CPED1: variants seen among roughly 807,000 people sequenced by gnomAD.
CPED1 encodes the protein cadherin-like and PC-esterase domain-containing protein 1.
A neutral mutation model predicts 128.2 loss-of-function variants in CPED1; 114 were observed. The ratio of observed to expected loss-of-function variants is 0.89; its 90% confidence interval spans 0.76 to 1.04. CPED1 has a LOEUF of 1.04. Ranked by LOEUF, CPED1 falls within the 50% of genes least tolerant of loss-of-function variation. CPED1 has a pLI of 0.00. For synonymous variants in CPED1, 462 were observed against 426.7 expected (o/e 1.08, Z -1.02); for missense variants, 1,211 against 1,207.1 (o/e 1.00, Z -0.05).
chr7:121,257,639 G>A (rs1039142036), intron 18 of CPED1, among the ~76,000 whole-genome samples: 1 of 151,966 alleles, frequency 6.6e-6, no homozygotes, highest in Non-Finnish European at 1.5e-5. Context: ...CTTATTTTAA[G>A]AAAGCTTCAC....
chr7:121,240,614 C>T (rs565700333), intron 17 of CPED1, among the ~76,000 whole-genome samples: 39 of 151,836 alleles, frequency 2.6e-4, no homozygotes, highest in African/African-American at 7.7e-4. Context: ...TTTCATTTTC[C>T]GCTGATTATT....
intron 22 of CPED1, among the ~76,000 whole-genome samples, chr7:121,287,262 CACAG>C (rs1451238639): frequency 2.0e-5 from 3 of 151,992 alleles, no homozygotes; most frequent in African/African-American, 7.2e-5. Flanking sequence ...CCTCCTGCCA[CACAG>C]ACACAGACAC....
intron 2 of CPED1, among the ~76,000 whole-genome samples, chr7:121,008,798 T>C (rs1409030613): frequency 6.6e-6 from 1 of 152,180 alleles, no homozygotes; most frequent in African/African-American, 2.4e-5. Context: ...CTGGATAGGG[T>C]GCTTCACTGT....
chr7:121,094,167 C>T (rs977814158), intron 5 of CPED1, among the ~76,000 whole-genome samples: 8 of 151,882 alleles, frequency 5.3e-5, no homozygotes, highest in Non-Finnish European at 8.8e-5. Context: ...AAACTAATTG[C>T]GAATTATTAA....
At chr7:121,074,308 T>C (rs1459434136) in intron 5 of CPED1, among the ~76,000 whole-genome samples, 3 of 152,086 alleles carry the variant, frequency 2.0e-5, no homozygotes, top group African/African-American at 4.8e-5. Context: ...AAGGGGCTCT[T>C]GTCCAGGCCT....
intron 5 of CPED1, among the ~76,000 whole-genome samples, chr7:121,079,108 C>T (rs1365878034): frequency 6.6e-6 from 1 of 152,174 alleles, no homozygotes; most frequent in African/African-American, 2.4e-5. Flanking sequence ...TCCTTAAAGG[C>T]CCTATCTTCA....
chr7:121,055,647 GT>G (rs945376122), intron 4 of CPED1, among the ~76,000 whole-genome samples: 21 of 150,944 alleles, frequency 1.4e-4, no homozygotes, highest in Middle Eastern at 7.0e-3. Context: ...ATATAGTTCA[GT>G]TTTTTTCTGT....
chr7:121,180,047 C>T (rs1373190595), intron 16 of CPED1, among the ~76,000 whole-genome samples: 1 of 152,068 alleles, frequency 6.6e-6, no homozygotes, highest in Non-Finnish European at 1.5e-5. Flanking sequence ...ACAAAGTACA[C>T]ATCATTTGAC....
At chr7:121,099,252 T>G (rs931302504) in intron 6 of CPED1, among the ~76,000 whole-genome samples, 3 of 152,154 alleles carry the variant, frequency 2.0e-5, no homozygotes, top group Admixed American at 6.5e-5. Context: ...ATATCACTTT[T>G]GTTGCAATGG....
chr7:121,151,771 G>A (rs564992526), intron 16 of CPED1, among the ~76,000 whole-genome samples: 20 of 152,324 alleles, frequency 1.3e-4, no homozygotes, highest in Non-Finnish European at 2.9e-4. Flanking sequence ...CCATTGGTGT[G>A]CTTTCTTTCA....
intron 10 of CPED1, 111 bp from the exon 11 acceptor site, chr7:121,128,271 A>C: frequency 1.5e-6 from 1 of 653,440 alleles, no homozygotes; most frequent in East Asian, 2.6e-5. Flanking sequence ...TAATTAGCTC[A>C]GTTGTTTATA....
chr7:121,029,525 G>T (rs973094131), intron 3 of CPED1, among the ~76,000 whole-genome samples: 5 of 152,156 alleles, frequency 3.3e-5, no homozygotes, highest in Non-Finnish European at 7.4e-5. Context: ...TGGCAGGCAC[G>T]TTCCACAGCT....
chr7:121,252,475 A>G (rs1053038976), intron 18 of CPED1, among the ~76,000 whole-genome samples: 1 of 151,636 alleles, frequency 6.6e-6, no homozygotes, highest in Non-Finnish European at 1.5e-5. Flanking sequence ...ATGGGATCTA[A>G]TTAAACTAAA....
chr7:121,216,425 C>T (rs1201701373), intron 16 of CPED1, among the ~76,000 whole-genome samples: 1 of 152,118 alleles, frequency 6.6e-6, no homozygotes, highest in East Asian at 1.9e-4. Context: ...CCACACATAT[C>T]AGCAAGAGAG....
rs1562852742 is a variant in CPED1, at chr7:121,256,130, A to AAACAAACAAACAAAAAAAAAAC, written c.2311-10095_2311-10094insCAAACAAACAAAAAAAAAACAA. ...CCTAAGCAAAAAAAAAAAACAAAAC[A>AAACAAACAAACAAAAAAAAAAC]AAAAAAAAAAACAAAGCTTATGCCA... is the stretch of plus-strand genomic sequence containing the variant. On this transcript the variant is annotated intron_variant, in intron 18 of 22. Coordinates refer to ENST00000310396, the MANE Select transcript of CPED1 (RefSeq NM_024913.5). Among the ~76,000 whole-genome samples the AAACAAACAAACAAAAAAAAAAC allele has an allele frequency of 1.1e-4, 4 of 35,194 alleles. 1 individual carries two copies. The highest frequency in any genetic ancestry group is 1.8e-4 in the African/African-American group (4 of 22,488). The allele number at this position is 35,194 out of a possible 152,430, so 23.1% of individuals were successfully genotyped here.
intron 6 of CPED1, among the ~76,000 whole-genome samples, 194 bp from the exon 7 acceptor site, chr7:121,099,732 C>G (rs911230510): frequency 1.3e-5 from 2 of 152,146 alleles, no homozygotes; most frequent in African/African-American, 4.8e-5. Context: ...ACCAATTTGA[C>G]TCCTTCTCGC....
chr7:121,292,167 T>C (rs191371612), intron 22 of CPED1, among the ~76,000 whole-genome samples: 23 of 152,222 alleles, frequency 1.5e-4, no homozygotes, highest in African/African-American at 5.3e-4. Context: ...AGGCTTGGTC[T>C]TTTCACATAG....
chr7:121,047,843 C>T (rs1302743350), intron 4 of CPED1, among the ~76,000 whole-genome samples: 1 of 151,434 alleles, frequency 6.6e-6, no homozygotes, highest in Admixed American at 6.6e-5. Flanking sequence ...CCGGTGGTAG[C>T]GGGCGCCCGT....
rs1483448882 is a variant in CPED1 at position 121,141,874 on chromosome 7, T to C, written c.1887-99T>C. On this transcript the variant is annotated intron_variant, in intron 15 of 22. Transcript: ENST00000310396. ...TTGTACAGACCTTTCCTGTTATTTATTCAAATAGGTATTTAGTAAATATTG... is the reference window on the plus strand; with the variant it reads ...TTGTACAGACCTTTCCTGTTATTTACTCAAATAGGTATTTAGTAAATATTG... The C allele has an allele frequency of 4.6e-6, 4 of 872,550 alleles. No individual in the cohort carries two copies. The East Asian group carries it at 7.5e-5, about 16-fold the overall frequency. 54.1% of individuals were successfully genotyped at this position (872,550 alleles called of 1,614,324 possible). A position where few individuals can be genotyped will look rare whatever the true frequency, so the allele number is the denominator to read the frequency against.
Sources: allele counts gnomAD v4.1 joint callset (sites outside exome capture counted in the v4.1 genomes callset), GRCh38; gene constraint gnomAD v4.1.1; transcripts MANE v1.5; gene names NCBI Gene and HGNC (gene_info 2026-07-23, HGNC 2026-07-21).